The following SORCS1 variants were observed in gnomAD, a reference collection of about 807,000 sequenced individuals.
SORCS1 encodes the protein sortilin related VPS10 domain containing receptor 1, also known as VPS10 domain-containing receptor SorCS1.
A neutral mutation model predicts 146.1 loss-of-function variants in SORCS1; 60 were observed. The observed-to-expected ratio is 0.41, with a 90% CI of 0.33 to 0.51. The LOEUF is 0.51. Ranked by LOEUF, SORCS1 falls within the 20% of genes least tolerant of loss-of-function variation. SORCS1 has a pLI of 0.21. For missense variants in SORCS1, 1,352 were observed against 1,487.6 expected, an observed-to-expected ratio of 0.91 and a Z score of 1.50; for synonymous variants, 637 against 584.0, an observed-to-expected ratio of 1.09 and a Z score of -1.31.
chr10:106,683,578 C>A (rs1213126666), intron 10 of SORCS1, among the ~76,000 whole-genome samples: 1 of 152,232 alleles, frequency 6.6e-6, no homozygotes, highest in Non-Finnish European at 1.5e-5. Context: ...AATAAATCAA[C>A]TTTAAAAGCT....
chr10:106,745,713 A>T (rs1857682316), intron 5 of SORCS1, among the ~76,000 whole-genome samples: 1 of 152,212 alleles, frequency 6.6e-6, no homozygotes, highest in African/African-American at 2.4e-5. Context: ...CAACAAACAG[A>T]GTATGGGACA....
intron 1 of SORCS1, among the ~76,000 whole-genome samples, chr10:106,965,722 C>A (rs1271082516): frequency 1.3e-5 from 2 of 152,106 alleles, no homozygotes; most frequent in Non-Finnish European, 2.9e-5. Flanking sequence ...TCTCTGGTAT[C>A]CTGTCTAATA....
chr10:106,875,605 C>A (rs564331731), intron 2 of SORCS1, among the ~76,000 whole-genome samples: 1 of 152,116 alleles, frequency 6.6e-6, no homozygotes, highest in African/African-American at 2.4e-5. Flanking sequence ...TCCCCTTTCA[C>A]CATATTCATA....
At chr10:106,621,498 C>T (rs902991676) in intron 19 of SORCS1, among the ~76,000 whole-genome samples, 1 of 151,596 alleles carries the variant, frequency 6.6e-6, no homozygotes, top group Non-Finnish European at 1.5e-5. Context: ...TTTTCACTCT[C>T]TACAGACTTT....
chr10:107,142,758 A>G (rs1967952535), intron 1 of SORCS1, among the ~76,000 whole-genome samples: 1 of 152,142 alleles, frequency 6.6e-6, no homozygotes, highest in Non-Finnish European at 1.5e-5. Flanking sequence ...GGTGACACTG[A>G]CAGGGTTATG....
intron 8 of SORCS1, among the ~76,000 whole-genome samples, chr10:106,703,290 C>G (rs1396939810): frequency 1.3e-5 from 2 of 152,076 alleles, no homozygotes; most frequent in Non-Finnish European, 2.9e-5. Flanking sequence ...AATCAAGCAG[C>G]CTTCACATCA....
At chr10:106,812,081 A>G (rs1308619035) in intron 3 of SORCS1, among the ~76,000 whole-genome samples, 1 of 152,036 alleles carries the variant, frequency 6.6e-6, no homozygotes, top group Non-Finnish European at 1.5e-5. Context: ...GCTCACTGCA[A>G]GCTCTGCCTC....
intron 1 of SORCS1, among the ~76,000 whole-genome samples, chr10:107,113,385 C>T (rs1478583900): frequency 3.3e-5 from 5 of 151,862 alleles, no homozygotes; most frequent in Non-Finnish European, 5.9e-5. Context: ...GTGATAAATG[C>T]CAACATCAAA....
intron 23 of SORCS1, among the ~76,000 whole-genome samples, chr10:106,603,745 G>A (rs1222200114): frequency 1.3e-5 from 2 of 152,100 alleles, no homozygotes; most frequent in Non-Finnish European, 2.9e-5. Context: ...CTGTTCTTTG[G>A]GTTTGCTTTG....
chr10:106,822,782 G>GTTTTTTTTT (rs1158921880), intron 3 of SORCS1, among the ~76,000 whole-genome samples: 8 of 113,166 alleles, frequency 7.1e-5, no homozygotes, highest in East Asian at 5.6e-4. Context: ...TTCATGTGTG[G>GTTTTTTTTT]TTTTTTTTTT....
chr10:107,007,589 G>A (rs1187389794), intron 1 of SORCS1, among the ~76,000 whole-genome samples: 1 of 152,222 alleles, frequency 6.6e-6, no homozygotes, highest in Non-Finnish European at 1.5e-5. Flanking sequence ...TGCCCAAAGT[G>A]AAGATTCATG....
At chr10:107,027,797 C>T (rs1440485280) in intron 1 of SORCS1, among the ~76,000 whole-genome samples, 1 of 152,204 alleles carries the variant, frequency 6.6e-6, no homozygotes, top group Non-Finnish European at 1.5e-5. Flanking sequence ...ACCATTATCT[C>T]TGTGGCAAAT....
intron 6 of SORCS1, among the ~76,000 whole-genome samples, chr10:106,713,512 A>G (rs1189844611): frequency 6.6e-6 from 1 of 152,192 alleles, no homozygotes; most frequent in Non-Finnish European, 1.5e-5. Flanking sequence ...TAATTCACCT[A>G]TATAGAAATT....
At position 106,577,180 on chromosome 10, in the gene SORCS1, T is replaced by C; in HGVS notation, c.*240A>G. ...TTTTGATTGTTTATATTTTATGTTT[T>C]GTTTTGTTTTTGTTTTTGTTTTTTT... On this transcript the variant is annotated 3_prime_UTR_variant, in exon 26 of 26. Transcript: ENST00000263054. 6.9e-7 allele frequency: 1 copy of C among 1,451,896 alleles called. No homozygotes were observed. The highest frequency in any genetic ancestry group is 9.3e-7 in the Non-Finnish European group (1 of 1,080,032). 89.9% of individuals were successfully genotyped at this position (1,451,896 alleles called of 1,614,324 possible).
At chr10:106,909,416 G>A (rs943118574) in intron 2 of SORCS1, among the ~76,000 whole-genome samples, 15 of 151,982 alleles carry the variant, frequency 9.9e-5, no homozygotes, top group Non-Finnish European at 1.6e-4. Context: ...ATATACTCAG[G>A]AATAGAAATT....
At chr10:107,007,123 T>C (rs1263431862) in intron 1 of SORCS1, among the ~76,000 whole-genome samples, 1 of 152,204 alleles carries the variant, frequency 6.6e-6, no homozygotes, top group Non-Finnish European at 1.5e-5. Context: ...AATCCCTGTG[T>C]AATCATTTGA....
At chr10:106,744,859 C>A (rs1857605876) in intron 5 of SORCS1, among the ~76,000 whole-genome samples, 1 of 152,024 alleles carries the variant, frequency 6.6e-6, no homozygotes, top group South Asian at 2.1e-4. Context: ...GTGAGTTGCC[C>A]AACTGAACAA....
At chr10:107,009,872 A>G (rs953327391) in intron 1 of SORCS1, among the ~76,000 whole-genome samples, 16 of 152,188 alleles carry the variant, frequency 1.1e-4, no homozygotes, top group Middle Eastern at 3.2e-3. Context: ...AATACGTAAT[A>G]TAAGTAATGA....
intron 24 of SORCS1, among the ~76,000 whole-genome samples, chr10:106,581,875 T>C (rs1397522086): frequency 6.6e-6 from 1 of 152,182 alleles, no homozygotes; most frequent in Non-Finnish European, 1.5e-5. Context: ...AACCCTTAAT[T>C]TGTCAGGGAA....
Sources: gnomAD v4.1 joint callset for allele counts (sites outside exome capture counted in the v4.1 genomes callset) on GRCh38, gnomAD v4.1.1 for gene constraint, MANE v1.5 for transcripts, NCBI Gene and HGNC (gene_info 2026-07-23, HGNC 2026-07-21) for gene names.